The following SYNPR variants were observed in gnomAD, a reference collection of about 807,000 sequenced individuals.
SYNPR encodes the protein synaptoporin.
A neutral mutation model predicts 32.9 loss-of-function variants in SYNPR; 23 were observed. That is an observed-to-expected ratio of 0.70 (90% CI 0.50 to 0.99). SYNPR has a LOEUF of 0.99. Ranked by LOEUF, SYNPR falls within the 50% of genes least tolerant of loss-of-function variation. The probability of loss-of-function intolerance (pLI) is 0.00; values close to 1 mark genes in which losing one functional copy is unlikely to be tolerated. For synonymous variants in SYNPR, 146 were observed against 135.9 expected (o/e 1.07, Z -0.52); for missense variants, 318 against 349.3 (o/e 0.91, Z 0.71).
At chr3:63,583,082 G>C (rs775365584) in intron 4 of SYNPR, among the ~76,000 whole-genome samples, 1 of 152,200 alleles carries the variant, frequency 6.6e-6, no homozygotes, top group East Asian at 1.9e-4. Context: ...ACAGACTGAG[G>C]TGGTTATCTA....
At chr3:63,557,008 T>G (rs1702606981) in intron 4 of SYNPR, among the ~76,000 whole-genome samples, 3 of 152,320 alleles carry the variant, frequency 2.0e-5, no homozygotes, top group Middle Eastern at 3.4e-3. Context: ...GAAAGAGCAG[T>G]GAAGCTTGCT....
intron 2 of SYNPR, among the ~76,000 whole-genome samples, chr3:63,473,124 T>C (rs939829014): frequency 4.6e-5 from 7 of 152,158 alleles, no homozygotes; most frequent in Admixed American, 2.0e-4. Flanking sequence ...CATTTGTGTG[T>C]CTTTGACTTA....
At chr3:63,226,154 A>G (rs1245660335), upstream of SYNPR, among the ~76,000 whole-genome samples, 2 of 152,176 alleles carry the variant, frequency 1.3e-5, no homozygotes, top group African/African-American at 4.8e-5. Flanking sequence ...GGGGTTAGTC[A>G]ATCTAACCCC....
intron 2 of SYNPR, among the ~76,000 whole-genome samples, chr3:63,389,004 A>G (rs76442947): frequency 2.2e-3 from 338 of 152,292 alleles, no homozygotes; most frequent in African/African-American, 7.8e-3. Context: ...GGAGATTTAG[A>G]GTTTTGGCCA....
At chr3:63,274,086 G>C (rs1430242062), upstream of SYNPR, among the ~76,000 whole-genome samples, 1 of 152,166 alleles carries the variant, frequency 6.6e-6, no homozygotes, top group Non-Finnish European at 1.5e-5. Context: ...TGAGCAGAGA[G>C]TTAAATATAC....
At chr3:63,481,882 T>C (rs568588730) in intron 3 of SYNPR, among the ~76,000 whole-genome samples, 485 of 152,208 alleles carry the variant, frequency 3.2e-3, no homozygotes, top group African/African-American at 0.011. Context: ...GGATGCTTGG[T>C]AACATTATAC....
chr3:63,297,905 T>C (rs1296721616), intron 2 of SYNPR, among the ~76,000 whole-genome samples: 2 of 152,040 alleles, frequency 1.3e-5, no homozygotes, highest in East Asian at 1.9e-4. Flanking sequence ...CTGAAAAACA[T>C]CTCAAAAGAC....
intron 3 of SYNPR, among the ~76,000 whole-genome samples, chr3:63,267,858 G>C (rs1203596902): frequency 6.6e-6 from 1 of 151,830 alleles, no homozygotes; most frequent in Non-Finnish European, 1.5e-5. Context: ...TTTTTCAGGA[G>C]CCTGAGGAAA....
chr3:63,356,082 ATGT>A (rs1261092204), intron 2 of SYNPR, among the ~76,000 whole-genome samples: 2 of 152,266 alleles, frequency 1.3e-5, no homozygotes, highest in South Asian at 2.1e-4. Context: ...ATAAGACATC[ATGT>A]TGTTCATCCT....
At chr3:63,427,799 A>G (rs1187421019) in intron 2 of SYNPR, among the ~76,000 whole-genome samples, 1 of 152,204 alleles carries the variant, frequency 6.6e-6, no homozygotes, top group Non-Finnish European at 1.5e-5. Context: ...TGCATATTAA[A>G]CAAGTTCATT....
At chr3:63,587,214 C>T (rs924822683) in intron 4 of SYNPR, among the ~76,000 whole-genome samples, 3 of 152,210 alleles carry the variant, frequency 2.0e-5, no homozygotes, top group Admixed American at 6.5e-5. Flanking sequence ...GATGATTGCA[C>T]TGTCTTCACC....
At chr3:63,464,200 C>G (rs2106661219) in intron 2 of SYNPR, among the ~76,000 whole-genome samples, 1 of 152,204 alleles carries the variant, frequency 6.6e-6, no homozygotes, top group South Asian at 2.1e-4. Context: ...AACTTTTTCT[C>G]TAATTTTTTT....
intron 2 of SYNPR, among the ~76,000 whole-genome samples, chr3:63,450,686 A>G (rs1243978058): frequency 6.6e-6 from 1 of 152,174 alleles, no homozygotes; most frequent in Non-Finnish European, 1.5e-5. Flanking sequence ...ATGTACTCCT[A>G]GGTGGCTCTT....
chr3:63,485,143 T>C (rs764924), intron 3 of SYNPR, among the ~76,000 whole-genome samples: 31,541 of 151,838 alleles, frequency 0.21, 3,436 homozygotes, highest in East Asian at 0.26. Flanking sequence ...GTCATCATCA[T>C]GAAGTCACAT....
chr3:63,455,044 T>A (rs557046058), intron 2 of SYNPR, among the ~76,000 whole-genome samples: 1 of 152,246 alleles, frequency 6.6e-6, no homozygotes, highest in South Asian at 2.1e-4. Context: ...AGATCTTTTT[T>A]AATACTTTCT....
intron 2 of SYNPR, among the ~76,000 whole-genome samples, chr3:63,360,220 A>G (rs1273313421): frequency 6.6e-6 from 1 of 152,126 alleles, no homozygotes; most frequent in Non-Finnish European, 1.5e-5. Flanking sequence ...TCTCGGAGAC[A>G]TCTTCACTCT....
chr3:63,584,658 G>A (rs143497672), intron 4 of SYNPR, among the ~76,000 whole-genome samples: 3 of 152,192 alleles, frequency 2.0e-5, no homozygotes, highest in Non-Finnish European at 4.4e-5. Context: ...TTAGCACAAT[G>A]CCTGGTATAG....
rs571542496 is a variant in SYNPR at position 63,278,677 on chromosome 3, C to G, written c.19C>G (p.Leu7Val). The G allele has an allele frequency of 1.0e-5, 16 of 1,551,706 alleles. No homozygotes were observed. In the South Asian group the frequency reaches 1.5e-4, roughly 15 times the overall value. The change falls in exon 2 of 6, where the codon CTG becomes GTG. Residue 7 changes from leucine (L) to valine (V), a missense_variant and splice_region_variant. By Grantham distance (32) the Leu-to-Val change is conservative. Coordinates refer to ENST00000478300, the MANE Select transcript of SYNPR (RefSeq NM_001130003.2). ...TCTCTCTCGCCTCATTCCCCCAAAGCTGGCCTCTGCGGGCACCTTCCGGGT... is the reference window on the plus strand; with the variant it reads ...TCTCTCTCGCCTCATTCCCCCAAAGGTGGCCTCTGCGGGCACCTTCCGGGT... MDPVSQ[L>V]ASAGTFRVLK... is the part of the protein sequence containing the mutation.
intron 2 of SYNPR, among the ~76,000 whole-genome samples, chr3:63,448,871 A>T (rs926963259): frequency 2.0e-5 from 3 of 152,190 alleles, no homozygotes; most frequent in African/African-American, 7.2e-5. Context: ...GAACTGTTCT[A>T]GTAAGGCATT....
Sources: allele counts gnomAD v4.1 joint callset (sites outside exome capture counted in the v4.1 genomes callset), GRCh38; gene constraint gnomAD v4.1.1; transcripts MANE v1.5; gene names NCBI Gene and HGNC (gene_info 2026-07-23, HGNC 2026-07-21).